DEGS2: variants seen among roughly 807,000 people sequenced by gnomAD.
DEGS2 encodes delta 4-desaturase, sphingolipid 2, also known as sphingolipid delta(4)-desaturase/C4-monooxygenase DES2.
Under a neutral mutation model 23.8 loss-of-function variants are expected in DEGS2, and 19 were observed. The observed-to-expected ratio is 0.80, with a 90% CI of 0.56 to 1.17. The LOEUF (loss-of-function observed/expected upper bound fraction) is 1.17. Ranked by LOEUF, DEGS2 falls within the 50% of genes most tolerant of loss-of-function variation. DEGS2 has a pLI of 0.00. For synonymous variants in DEGS2, 218 were observed against 213.7 expected (o/e 1.02, Z -0.18); for missense variants, 390 against 459.5 (o/e 0.85, Z 1.38).
intron 1 of DEGS2, 81 bp from the exon 2 acceptor site, chr14:100,149,791 A>T (rs1889534676): frequency 7.0e-7 from 1 of 1,421,906 alleles, no homozygotes; most frequent in African/African-American, 1.4e-5. Flanking sequence ...GCAGTGGCCG[A>T]GGGGTGAGAA....
At chr14:100,147,854 TCTC>T (rs1018677638) in intron 2 of DEGS2, among the ~76,000 whole-genome samples, 3 of 151,984 alleles carry the variant, frequency 2.0e-5, no homozygotes, top group Admixed American at 1.3e-4. Flanking sequence ...TGCTCTGCCA[TCTC>T]CTGAGGCGGG....
chr14:100,164,401 C>T (rs1272091598), upstream of DEGS2, among the ~76,000 whole-genome samples: 3 of 151,636 alleles, frequency 2.0e-5, no homozygotes, highest in African/African-American at 4.8e-5. Context: ...ATTGGGAGGC[C>T]GAGGCGGGTG....
chr14:100,151,629 G>C (rs1017178869), intron 1 of DEGS2, among the ~76,000 whole-genome samples: 4 of 152,238 alleles, frequency 2.6e-5, no homozygotes, highest in Non-Finnish European at 4.4e-5. Context: ...CTTTGCTGGA[G>C]CAGGAGCTCC....
Position 100,154,531 on chromosome 14 carries a change from G to A in DEGS2, c.83-4821C>T, listed in dbSNP as rs1275994172. Among the ~76,000 whole-genome samples, 6 of 152,226 alleles carry A rather than the reference G, an allele frequency of 3.9e-5. No homozygotes were observed. In the East Asian group the frequency reaches 5.8e-4, roughly 15 times the overall value. ...CCATGGAGGTGGGGTCTTCCCTAGGGGCCTATGGAGAAGAAGGGGCAGCAG... is the reference window on the plus strand; with the variant it reads ...CCATGGAGGTGGGGTCTTCCCTAGGAGCCTATGGAGAAGAAGGGGCAGCAG... On this transcript the variant is annotated intron_variant, in intron 1 of 2. Coordinates refer to ENST00000305631, the MANE Select transcript of DEGS2 (RefSeq NM_206918.3).
chr14:100,146,990 G>A (rs143541707), intron 2 of DEGS2, 83 bp from the exon 3 acceptor site: 31,687 of 1,499,770 alleles, frequency 0.021, 396 homozygotes, highest in Middle Eastern at 0.03. Flanking sequence ...CTGAGCACAC[G>A]CGGTGGGCAT....
At chr14:100,166,286 G>GGGGGAGGCTGCCCGGGGCTGT in the DEGS2 span, among the ~76,000 whole-genome samples, 2 of 19,158 alleles carry the variant, frequency 1.0e-4, no homozygotes, top group Non-Finnish European at 2.1e-4. Context: ...CTGGGGGAGT[G>GGGGGAGGCTGCCCGGGGCTGT]GGGGGAGCCT....
chr14:100,159,766 C>T (rs987090519), upstream of DEGS2: 2 of 344,680 alleles, frequency 5.8e-6, no homozygotes, highest in Admixed American at 4.8e-5. Flanking sequence ...CGGGCCCCGG[C>T]GCTCTCCAGA....
intron 1 of DEGS2, among the ~76,000 whole-genome samples, chr14:100,154,705 G>T (rs191184049): frequency 1.2e-4 from 19 of 152,364 alleles, no homozygotes; most frequent in Admixed American, 3.3e-4. Flanking sequence ...ACCCTGGTGC[G>T]ACTCTGATGG....
chr14:100,144,035 T>A lies in DEGS2; in HGVS notation c.*2726A>T. 1 of 442,918 alleles carries A rather than the reference T, an allele frequency of 2.3e-6. No individual in the cohort carries two copies. Among genetic ancestry groups the A allele is most frequent in the East Asian group, 4.1e-5 (1 of 24,562 alleles). 27.4% of individuals were successfully genotyped at this position (442,918 alleles called of 1,614,324 possible). On this transcript the variant is annotated 3_prime_UTR_variant, in exon 3 of 3. Coordinates refer to ENST00000305631, the MANE Select transcript of DEGS2 (RefSeq NM_206918.3). Reference sequence around the variant, plus strand: ...CTAGAGACGCCCCTAAGTCACCTGCTTCATTAGACGGTTTCCAGGTTTTCT... The same window carrying A: ...CTAGAGACGCCCCTAAGTCACCTGCATCATTAGACGGTTTCCAGGTTTTCT...
At chr14:100,166,228 A>G in the DEGS2 span, among the ~76,000 whole-genome samples, 1 of 18,128 alleles carries the variant, frequency 5.5e-5, no homozygotes, top group Admixed American at 8.1e-4. Flanking sequence ...GGGGAAGCCC[A>G]TCCAGGAGAG....
chr14:100,162,576 A>G (rs1387961595), upstream of DEGS2, among the ~76,000 whole-genome samples: 1 of 152,020 alleles, frequency 6.6e-6, no homozygotes, highest in East Asian at 1.9e-4. Flanking sequence ...GCCAAAATAT[A>G]GTTTCTTTTA....
chr14:100,165,494 A>G, the DEGS2 span, among the ~76,000 whole-genome samples: 4 of 152,124 alleles, frequency 2.6e-5, no homozygotes, highest in Non-Finnish European at 5.9e-5. Flanking sequence ...GCCTCACTAC[A>G]CCTGCCTGCA....
At chr14:100,158,516 C>A (rs1267544269) in intron 1 of DEGS2, among the ~76,000 whole-genome samples, 1 of 152,086 alleles carries the variant, frequency 6.6e-6, no homozygotes, top group African/African-American at 2.4e-5. Flanking sequence ...GAGCCGAGAT[C>A]GCGAGACTCT....
rs1375166078 is a variant in DEGS2 at position 100,144,221 on chromosome 14, C to T, written c.*2540G>A. The T allele has an allele frequency of 1.9e-5, 3 of 161,190 alleles. No individual in the cohort carries two copies. Among genetic ancestry groups the T allele is most frequent in the Non-Finnish European group, 4.1e-5 (3 of 73,798 alleles). The allele number at this position is 161,190 out of a possible 1,614,324, so 10.0% of individuals were successfully genotyped here. A position where few individuals can be genotyped will look rare whatever the true frequency, so the allele number is the denominator to read the frequency against. On this transcript the variant is annotated 3_prime_UTR_variant, in exon 3 of 3. Transcript: ENST00000305631. ...GTGTCTGTGTCCACACAGTAATAAA[C>T]GGTTTACTGTCCGCACCCTCGGGCT... is the stretch of plus-strand genomic sequence containing the variant.
chr14:100,150,244 G>T (rs1374934456), intron 1 of DEGS2, among the ~76,000 whole-genome samples: 3 of 152,172 alleles, frequency 2.0e-5, no homozygotes, highest in Non-Finnish European at 4.4e-5. Context: ...AGTCCCCTTT[G>T]TGTGTCTGTA....
intron 1 of DEGS2, 30 bp from the exon 2 acceptor site, chr14:100,149,740 C>T (rs1889533320): frequency 8.3e-6 from 13 of 1,566,552 alleles, no homozygotes; most frequent in Non-Finnish European, 1.1e-5. Flanking sequence ...GTATGAGGCC[C>T]CGCTCGGTGG....
intron 1 of DEGS2, among the ~76,000 whole-genome samples, chr14:100,152,675 C>G (rs1889592135): frequency 6.6e-6 from 1 of 152,162 alleles, no homozygotes; most frequent in African/African-American, 2.4e-5. Flanking sequence ...ACACCAGCAC[C>G]CTCCACCCTC....
intron 1 of DEGS2, among the ~76,000 whole-genome samples, chr14:100,157,550 T>TC (rs1336490983): frequency 6.6e-6 from 1 of 152,054 alleles, no homozygotes; most frequent in Non-Finnish European, 1.5e-5. Flanking sequence ...CTCCCAGCCC[T>TC]CCCCAGGAGT....
chr14:100,154,973 C>T (rs950218449), intron 1 of DEGS2, among the ~76,000 whole-genome samples: 2 of 152,204 alleles, frequency 1.3e-5, no homozygotes, highest in Non-Finnish European at 2.9e-5. Flanking sequence ...GGCCTCTTAT[C>T]TCTTCCACAC....
Sources: allele counts gnomAD v4.1 joint callset (sites outside exome capture counted in the v4.1 genomes callset), GRCh38; gene constraint gnomAD v4.1.1; transcripts MANE v1.5; gene names NCBI Gene and HGNC (gene_info 2026-07-23, HGNC 2026-07-21).